The following CDH13 variants were observed in gnomAD, a reference collection of about 807,000 sequenced individuals.
CDH13 encodes cadherin-13.
A neutral mutation model predicts 63.8 loss-of-function variants in CDH13; 24 were observed. That is an observed-to-expected ratio of 0.38 (90% CI 0.27 to 0.53). The LOEUF (loss-of-function observed/expected upper bound fraction) is 0.53. Ranked by LOEUF, CDH13 falls within the 20% of genes least tolerant of loss-of-function variation. The probability of loss-of-function intolerance (pLI) is 0.85; values close to 1 mark genes in which losing one functional copy is unlikely to be tolerated. For missense variants in CDH13, 1,049 were observed against 903.1 expected, an observed-to-expected ratio of 1.16 and a Z score of -2.07; for synonymous variants, 503 against 355.3, an observed-to-expected ratio of 1.42 and a Z score of -4.67.
intron 3 of CDH13, among the ~76,000 whole-genome samples, chr16:83,061,626 C>A (rs2031558192): frequency 6.6e-6 from 1 of 152,204 alleles, no homozygotes; most frequent in South Asian, 2.1e-4. Flanking sequence ...CACCAAATGA[C>A]TGTGACACTG....
At chr16:82,879,134 T>A (rs1040677825) in intron 2 of CDH13, among the ~76,000 whole-genome samples, 5 of 152,140 alleles carry the variant, frequency 3.3e-5, no homozygotes, top group African/African-American at 1.2e-4. Flanking sequence ...CCCATGGTTG[T>A]GGACATCACA....
chr16:83,726,853 A>G (rs1483959625), intron 10 of CDH13, among the ~76,000 whole-genome samples: 2 of 139,292 alleles, frequency 1.4e-5, no homozygotes, highest in Non-Finnish European at 1.6e-5. Context: ...AAAAAAAAAA[A>G]TCACCGTCCT....
chr16:83,698,434 A>T (rs1905713821), intron 10 of CDH13, among the ~76,000 whole-genome samples: 2 of 152,166 alleles, frequency 1.3e-5, no homozygotes, highest in African/African-American at 4.8e-5. Flanking sequence ...GTTGGCTTTG[A>T]TGAACCTCCC....
intron 2 of CDH13, among the ~76,000 whole-genome samples, chr16:82,958,902 AGTGGTTAT>A (rs1906529946): frequency 6.6e-6 from 1 of 152,264 alleles, no homozygotes; most frequent in Admixed American, 6.5e-5. Context: ...AAGATGTTAA[AGTGGTTAT>A]GAACGAATGA....
intron 3 of CDH13, among the ~76,000 whole-genome samples, chr16:83,076,982 A>G (rs1055016283): frequency 2.0e-5 from 3 of 152,186 alleles, no homozygotes; most frequent in South Asian, 2.1e-4. Flanking sequence ...GATAGAAACC[A>G]TCATTATGAC....
chr16:83,169,604 C>G (rs1335780420), intron 4 of CDH13, among the ~76,000 whole-genome samples: 3 of 151,286 alleles, frequency 2.0e-5, no homozygotes, highest in Non-Finnish European at 4.4e-5. Flanking sequence ...GCTGCCTGTT[C>G]AAGCCCTCTT....
intron 6 of CDH13, among the ~76,000 whole-genome samples, chr16:83,409,333 A>G (rs2092093710): frequency 1.3e-5 from 2 of 152,208 alleles, no homozygotes; most frequent in Non-Finnish European, 2.9e-5. Flanking sequence ...CTCCTGGGCT[A>G]CCATGTGCCA....
intron 3 of CDH13, among the ~76,000 whole-genome samples, chr16:83,081,574 C>A (rs1295837062): frequency 6.6e-6 from 1 of 152,092 alleles, no homozygotes; most frequent in Non-Finnish European, 1.5e-5. Context: ...TTTATTTCTC[C>A]CAGTTCTGGA....
intron 1 of CDH13, among the ~76,000 whole-genome samples, chr16:82,714,246 C>A (rs982236938): frequency 1.3e-5 from 2 of 152,200 alleles, no homozygotes; most frequent in African/African-American, 4.8e-5. Context: ...CCAACATACC[C>A]GCTTCCAAGT....
intron 5 of CDH13, among the ~76,000 whole-genome samples, chr16:83,296,334 G>C (rs541767334): frequency 1.3e-5 from 2 of 152,184 alleles, no homozygotes; most frequent in African/African-American, 4.8e-5. Context: ...AGGTCAGTCA[G>C]TAGCAGAGTC....
At chr16:83,276,526 C>G (rs937303694) in intron 5 of CDH13, among the ~76,000 whole-genome samples, 2 of 152,152 alleles carry the variant, frequency 1.3e-5, no homozygotes, top group African/African-American at 4.8e-5. Context: ...AATAGTCTTA[C>G]AGTTTCCCAT....
chr16:83,356,229 TGTGTGTGTGTGTGTGTG>T (rs2091053095), intron 6 of CDH13, among the ~76,000 whole-genome samples: 3 of 85,476 alleles, frequency 3.5e-5, no homozygotes, highest in Non-Finnish European at 7.0e-5. Flanking sequence ...TGTGTGTGTG[TGTGTGTGTGTGTGTGTG>T]TGTGTGTGTG....
At chr16:83,708,404 C>G (rs389590) in intron 10 of CDH13, among the ~76,000 whole-genome samples, 151,997 of 152,336 alleles carry the variant, frequency 1, 75,829 homozygotes, top group Middle Eastern at 1. Context: ...TGGGGTTAAG[C>G]CAGTCCTTTC....
intron 2 of CDH13, among the ~76,000 whole-genome samples, chr16:83,014,056 TCA>T (rs1344634936): frequency 6.6e-6 from 1 of 152,060 alleles, no homozygotes; most frequent in Non-Finnish European, 1.5e-5. Flanking sequence ...CTCAAGAAGT[TCA>T]CAGTCTGATA....
At chr16:83,292,920 C>G (rs569319579) in intron 5 of CDH13, among the ~76,000 whole-genome samples, 1 of 152,224 alleles carries the variant, frequency 6.6e-6, no homozygotes, top group Non-Finnish European at 1.5e-5. Context: ...TTTACAATAT[C>G]TATTGGGTAA....
rs1909808406 is a variant in CDH13, at chr16:82,644,324, T to C, written c.45+17187T>C. Among the ~76,000 whole-genome samples, 1 of 151,976 alleles carries C rather than the reference T, an allele frequency of 6.6e-6. No individual in the cohort carries two copies. ...TGCAAATCAAGGCCCCCCGAACTCC[T>C]CCCACCCCTGCCTTCTGCGTCTCCC... is the stretch of plus-strand genomic sequence containing the variant. On this transcript the variant is annotated intron_variant, in intron 1 of 13. Transcript: ENST00000567109. This position sits in a 1 kb window ranked among gnomAD's most constrained non-coding sequence, Gnocchi z 5.7.
At chr16:83,120,123 AG>A (rs140385285) in intron 3 of CDH13, among the ~76,000 whole-genome samples, 6,957 of 151,984 alleles carry the variant, frequency 0.046, 534 homozygotes, top group African/African-American at 0.16. Context: ...TACCTCCAGC[AG>A]CCCCCGAACC....
At chr16:82,743,873 T>C (rs1317784816) in intron 1 of CDH13, among the ~76,000 whole-genome samples, 1 of 152,226 alleles carries the variant, frequency 6.6e-6, no homozygotes, top group Admixed American at 6.5e-5. Flanking sequence ...CAGGTGTATG[T>C]AATTAAATTT....
At chr16:83,206,834 A>G (rs8045311) in intron 4 of CDH13, among the ~76,000 whole-genome samples, 136,697 of 152,250 alleles carry the variant, frequency 0.9, 62,217 homozygotes, top group East Asian at 0.97. Context: ...TGACCAGAGT[A>G]TTTTTCTTTA....
Sources: gnomAD v4.1 joint callset for allele counts (sites outside exome capture counted in the v4.1 genomes callset) on GRCh38, gnomAD v4.1.1 for gene constraint, Gnocchi (gnomAD v3.1) non-coding constraint, MANE v1.5 for transcripts, NCBI Gene and HGNC (gene_info 2026-07-23, HGNC 2026-07-21) for gene names.